The following GRID1 variants were observed in gnomAD, a reference collection of about 807,000 sequenced individuals.
The protein encoded by GRID1 is glutamate receptor ionotropic, delta-1.
Under a neutral mutation model 98.0 loss-of-function variants are expected in GRID1, and 28 were observed. The ratio of observed to expected loss-of-function variants is 0.29; its 90% CI spans 0.21 to 0.39. The LOEUF is 0.39. Ranked by LOEUF, GRID1 falls within the 10% of genes least tolerant of loss-of-function variation. GRID1 has a pLI of 1.00. For synonymous variants in GRID1, 553 were observed against 538.5 expected (o/e 1.03, Z -0.37); for missense variants, 1,111 against 1,340.5 (o/e 0.83, Z 2.67).
At chr10:86,040,473 A>T (rs1351423646) in intron 4 of GRID1, among the ~76,000 whole-genome samples, 1 of 151,314 alleles carries the variant, frequency 6.6e-6, no homozygotes, top group Non-Finnish European at 1.5e-5. Flanking sequence ...TTAGCCAGGC[A>T]CAGAAAGCCA....
chr10:85,748,032 A>G (rs140074081), intron 8 of GRID1, among the ~76,000 whole-genome samples: 217 of 152,266 alleles, frequency 1.4e-3, no homozygotes, highest in African/African-American at 4.9e-3. Flanking sequence ...TGTTTCTGAT[A>G]AGCTTGAAGG....
chr10:86,292,122 C>A (rs1424304414), intron 2 of GRID1, among the ~76,000 whole-genome samples: 1 of 152,206 alleles, frequency 6.6e-6, no homozygotes, highest in Non-Finnish European at 1.5e-5. Context: ...AGGCCCACGA[C>A]AGAGGCTGCA....
At chr10:86,331,011 C>T (rs1445830157) in intron 2 of GRID1, among the ~76,000 whole-genome samples, 2 of 152,162 alleles carry the variant, frequency 1.3e-5, no homozygotes, top group Admixed American at 6.5e-5. Context: ...TGCCCCAGGC[C>T]TCCCCAGGAA....
chr10:85,612,312 A>AG (rs5786715), intron 15 of GRID1, among the ~76,000 whole-genome samples: 144,087 of 152,270 alleles, frequency 0.95, 68,268 homozygotes, highest in East Asian at 1. Flanking sequence ...CAGTCTGAGA[A>AG]GAGCCCGCCG....
At chr10:86,071,234 A>G (rs1408370820) in intron 4 of GRID1, among the ~76,000 whole-genome samples, 1 of 152,234 alleles carries the variant, frequency 6.6e-6, no homozygotes, top group Non-Finnish European at 1.5e-5. Flanking sequence ...GCTCACTGGG[A>G]CAGCAGGGAA....
At chr10:86,164,703 G>GGA (rs1476247714) in intron 3 of GRID1, among the ~76,000 whole-genome samples, 2 of 152,138 alleles carry the variant, frequency 1.3e-5, no homozygotes, top group Non-Finnish European at 2.9e-5. Flanking sequence ...CAGAGAGGTG[G>GGA]GAGAGGGAAC....
chr10:85,785,475 A>C (rs989859885), intron 8 of GRID1, among the ~76,000 whole-genome samples: 9 of 152,240 alleles, frequency 5.9e-5, no homozygotes, highest in African/African-American at 2.2e-4. Context: ...GAGAATGACC[A>C]CAGCTCTGCC....
chr10:85,674,455 T>C (rs1841121752), intron 12 of GRID1, among the ~76,000 whole-genome samples: 1 of 152,228 alleles, frequency 6.6e-6, no homozygotes, highest in Admixed American at 6.5e-5. Context: ...ATTAATGGAT[T>C]AGAAAAGCTT....
chr10:86,332,196 T>C (rs1467396859), intron 2 of GRID1, among the ~76,000 whole-genome samples: 1 of 152,160 alleles, frequency 6.6e-6, no homozygotes, highest in African/African-American at 2.4e-5. Context: ...ATGGCTGGAT[T>C]GGCTTCCTAA....
At chr10:85,914,362 G>C (rs1028535121) in intron 5 of GRID1, among the ~76,000 whole-genome samples, 5 of 152,166 alleles carry the variant, frequency 3.3e-5, no homozygotes, top group Non-Finnish European at 7.3e-5. Flanking sequence ...TTTGACTTCA[G>C]GGCCACATGG....
Position 86,344,955 on chromosome 10 carries a change from A to G in GRID1, c.235+18986T>C, listed in dbSNP as rs562220721. ...CAGTGAGGAGTGGGCTGGTGGATAAATGCTCCCACTTTCCCTGCCCGGATG... is the reference window on the plus strand; with the variant it reads ...CAGTGAGGAGTGGGCTGGTGGATAAGTGCTCCCACTTTCCCTGCCCGGATG... On this transcript the variant is annotated intron_variant, in intron 2 of 15. Coordinates refer to ENST00000327946, the MANE Select transcript of GRID1 (RefSeq NM_017551.3). 2.0e-5 allele frequency among the ~76,000 whole-genome samples: 3 copies of G among 152,270 alleles called. No individual in the cohort carries two copies. The South Asian group carries it at 6.2e-4, about 32-fold the overall frequency.
intron 12 of GRID1, among the ~76,000 whole-genome samples, chr10:85,676,513 C>G (rs1019736388): frequency 6.6e-6 from 1 of 152,208 alleles, no homozygotes; most frequent in Non-Finnish European, 1.5e-5. Flanking sequence ...CCCAAGAAAC[C>G]ATTTGTGCTA....
intron 6 of GRID1, among the ~76,000 whole-genome samples, chr10:85,857,147 C>T (rs1019212948): frequency 1.3e-5 from 2 of 152,236 alleles, no homozygotes; most frequent in Non-Finnish European, 2.9e-5. Flanking sequence ...AGTGGAGTCA[C>T]TGCCACCCAG....
intron 13 of GRID1, among the ~76,000 whole-genome samples, chr10:85,642,090 A>G (rs948157953): frequency 1.1e-4 from 17 of 152,208 alleles, no homozygotes; most frequent in African/African-American, 4.1e-4. Context: ...GGAGTCCTCA[A>G]ACTTTTTCTA....
chr10:86,275,912 A>G (rs962642912), intron 2 of GRID1, among the ~76,000 whole-genome samples: 5 of 152,250 alleles, frequency 3.3e-5, no homozygotes, highest in Non-Finnish European at 7.3e-5. Context: ...ACATGAAATT[A>G]AAATCCAAAG....
At chr10:86,113,179 T>TC (rs980430060) in intron 4 of GRID1, among the ~76,000 whole-genome samples, 1 of 152,176 alleles carries the variant, frequency 6.6e-6, no homozygotes. Context: ...AGGAAATGGG[T>TC]CATGTCATTG....
At chr10:86,015,256 G>A (rs140715335) in intron 4 of GRID1, among the ~76,000 whole-genome samples, 443 of 152,316 alleles carry the variant, frequency 2.9e-3, no homozygotes, top group Middle Eastern at 0.014. Context: ...AAACGCACAC[G>A]GGTGTCAGTC....
chr10:85,869,842 T>C (rs535813200), intron 5 of GRID1, among the ~76,000 whole-genome samples: 2 of 152,304 alleles, frequency 1.3e-5, no homozygotes, highest in Middle Eastern at 3.4e-3. Context: ...GCTGTCTATA[T>C]TGACTACAAA....
At chr10:85,638,022 C>T (rs76078722) in intron 13 of GRID1, among the ~76,000 whole-genome samples, 3,528 of 152,054 alleles carry the variant, frequency 0.023, 144 homozygotes, top group African/African-American at 0.08. Flanking sequence ...GTTTATAGCT[C>T]TAATACTTAT....
Sources: allele counts gnomAD v4.1 joint callset (sites outside exome capture counted in the v4.1 genomes callset), GRCh38; gene constraint gnomAD v4.1.1; transcripts MANE v1.5; gene names NCBI Gene and HGNC (gene_info 2026-07-23, HGNC 2026-07-21).